SGCZ: variants seen among roughly 807,000 people sequenced by gnomAD.
SGCZ encodes sarcoglycan zeta, also known as zeta-sarcoglycan.
In SGCZ, 40 loss-of-function variants were observed where a neutral mutation model predicts 41.3. That is an observed-to-expected ratio of 0.97 (90% CI 0.75 to 1.26). SGCZ has a LOEUF of 1.26. Ranked by LOEUF, SGCZ falls within the 50% of genes most tolerant of loss-of-function variation. The pLI is 0.00. For synonymous variants in SGCZ, 206 were observed against 137.5 expected (o/e 1.50, Z -3.49); for missense variants, 552 against 369.8 (o/e 1.49, Z -4.04).
chr8:14,869,472 A>G (rs1217897693), intron 1 of SGCZ, among the ~76,000 whole-genome samples: 4 of 152,320 alleles, frequency 2.6e-5, no homozygotes, highest in Admixed American at 1.3e-4. Context: ...ACAAACCCAC[A>G]GCCAATATCA....
At chr8:15,039,027 G>T (rs1598188) in intron 1 of SGCZ, among the ~76,000 whole-genome samples, 1 of 151,784 alleles carries the variant, frequency 6.6e-6, no homozygotes, top group African/African-American at 2.4e-5. Flanking sequence ...TACACTGTTG[G>T]TGGGAATGTA....
chr8:14,287,892 G>A (rs1306078221), intron 3 of SGCZ, among the ~76,000 whole-genome samples: 1 of 152,046 alleles, frequency 6.6e-6, no homozygotes, highest in Non-Finnish European at 1.5e-5. Context: ...TAGCTTAATG[G>A]TCTGAGAATT....
intron 1 of SGCZ, among the ~76,000 whole-genome samples, chr8:15,190,233 C>A (rs1563174559): frequency 6.6e-6 from 1 of 152,108 alleles, no homozygotes. Flanking sequence ...CTTGTTATAC[C>A]TTTAAGTAAC....
chr8:15,231,636 T>C (rs552075847), intron 1 of SGCZ, among the ~76,000 whole-genome samples: 67 of 143,218 alleles, frequency 4.7e-4, no homozygotes, highest in Middle Eastern at 7.2e-3. Flanking sequence ...TTTTTTTTTT[T>C]TTGGAGACAG....
chr8:14,192,851 T>C (rs1475121577), intron 4 of SGCZ, among the ~76,000 whole-genome samples: 2 of 152,230 alleles, frequency 1.3e-5, no homozygotes, highest in East Asian at 3.9e-4. Context: ...AATAATGTAA[T>C]AGAACATGAA....
intron 1 of SGCZ, among the ~76,000 whole-genome samples, chr8:14,900,858 T>C (rs1174462917): frequency 1.3e-5 from 2 of 152,212 alleles, no homozygotes; most frequent in African/African-American, 2.4e-5. Flanking sequence ...ATTGGCCTAC[T>C]ATAGAAATGT....
At position 15,172,312 on chromosome 8, in the gene SGCZ, C is replaced by T. The variant is rs181498066; in HGVS notation, c.39+65273G>A. On this transcript the variant is annotated intron_variant, in intron 1 of 7. Transcript: ENST00000382080. The stretch of plus-strand genomic sequence containing the variant: ...GAGTAGCTGGGACTACAGGCGCGCG[C>T]CACCATGCCCGGCTAATTTTTGTAT... Among the ~76,000 whole-genome samples the T allele has an allele frequency of 2.7e-5, 4 of 150,708 alleles. No homozygotes were observed. The East Asian group carries it at 7.8e-4, about 29-fold the overall frequency.
At chr8:14,284,165 C>T (rs1800541203) in intron 3 of SGCZ, among the ~76,000 whole-genome samples, 1 of 152,174 alleles carries the variant, frequency 6.6e-6, no homozygotes, top group Non-Finnish European at 1.5e-5. Context: ...CCAAGGCAGG[C>T]AGATTGCTTG....
chr8:14,788,628 A>G (rs58611750), intron 1 of SGCZ, among the ~76,000 whole-genome samples: 3,944 of 152,292 alleles, frequency 0.026, 178 homozygotes, highest in African/African-American at 0.09. Context: ...ATACGTGTAT[A>G]TGCATAGTAA....
intron 1 of SGCZ, among the ~76,000 whole-genome samples, chr8:14,876,918 G>C (rs1448941827): frequency 6.6e-6 from 1 of 151,684 alleles, no homozygotes; most frequent in Non-Finnish European, 1.5e-5. Flanking sequence ...GCATTGGAGA[G>C]GTTCCACTGA....
intron 1 of SGCZ, among the ~76,000 whole-genome samples, chr8:14,631,442 G>A (rs1301813331): frequency 2.0e-5 from 3 of 151,710 alleles, no homozygotes; most frequent in African/African-American, 4.8e-5. Context: ...TGGCCATAGT[G>A]GAGGTATCTA....
chr8:15,092,467 G>T (rs1806189741), intron 1 of SGCZ, among the ~76,000 whole-genome samples: 1 of 152,112 alleles, frequency 6.6e-6, no homozygotes, highest in South Asian at 2.1e-4. Context: ...TTTAACAACA[G>T]CTAGCTAGCC....
intron 2 of SGCZ, among the ~76,000 whole-genome samples, chr8:14,543,848 C>T (rs1803542819): frequency 6.6e-6 from 1 of 152,086 alleles, no homozygotes; most frequent in African/African-American, 2.4e-5. Flanking sequence ...TGTTTGACTA[C>T]ATATTTGACT....
At chr8:14,491,111 A>C (rs770410770) in intron 2 of SGCZ, among the ~76,000 whole-genome samples, 1 of 141,252 alleles carries the variant, frequency 7.1e-6, no homozygotes, top group African/African-American at 2.6e-5. Flanking sequence ...ATTGAGATCT[A>C]ATTTGTTTAC....
chr8:14,769,602 G>A (rs779072543), intron 1 of SGCZ, among the ~76,000 whole-genome samples: 1 of 151,846 alleles, frequency 6.6e-6, no homozygotes, highest in Non-Finnish European at 1.5e-5. Context: ...GACCAGCCTG[G>A]CCAGCATGGC....
intron 1 of SGCZ, among the ~76,000 whole-genome samples, chr8:14,684,479 A>C (rs1404671901): frequency 6.6e-6 from 1 of 152,188 alleles, no homozygotes; most frequent in Non-Finnish European, 1.5e-5. Context: ...GCTTTGGGAC[A>C]TTGTAGTGAG....
chr8:15,088,788 C>T (rs1165815342), intron 1 of SGCZ, among the ~76,000 whole-genome samples: 1 of 152,132 alleles, frequency 6.6e-6, no homozygotes, highest in Non-Finnish European at 1.5e-5. Flanking sequence ...TATCATAAAA[C>T]ACATCATGTG....
intron 1 of SGCZ, among the ~76,000 whole-genome samples, chr8:14,646,234 A>G (rs1807211400): frequency 6.6e-6 from 1 of 151,824 alleles, no homozygotes; most frequent in Admixed American, 6.6e-5. Flanking sequence ...GCCAGTATCT[A>G]CTGTTGCCAT....
intron 1 of SGCZ, among the ~76,000 whole-genome samples, chr8:14,977,840 T>C (rs1236891163): frequency 1.3e-5 from 2 of 151,912 alleles, no homozygotes; most frequent in African/African-American, 4.8e-5. Flanking sequence ...ATTCATCATA[T>C]CATGAACTAG....
Sources: allele counts gnomAD v4.1 joint callset (sites outside exome capture counted in the v4.1 genomes callset), GRCh38; gene constraint gnomAD v4.1.1; transcripts MANE v1.5; gene names NCBI Gene and HGNC (gene_info 2026-07-23, HGNC 2026-07-21).